The following PPARGC1A variants were observed in gnomAD, a reference collection of about 807,000 sequenced individuals.
The protein encoded by PPARGC1A is PPARG coactivator 1 alpha, also known as peroxisome proliferator-activated receptor gamma coactivator 1-alpha.
Under a neutral mutation model 88.7 loss-of-function variants are expected in PPARGC1A, and 25 were observed. The ratio of observed to expected loss-of-function variants is 0.28; its 90% CI spans 0.21 to 0.39. The LOEUF is 0.39. Among genes scored for constraint, PPARGC1A ranks in the 10% least tolerant of loss-of-function variants. The pLI is 1.00. For synonymous variants in PPARGC1A, 363 were observed against 355.6 expected (o/e 1.02, Z -0.24); for missense variants, 880 against 968.7 (o/e 0.91, Z 1.22).
the PPARGC1A span, among the ~76,000 whole-genome samples, chr4:24,010,616 C>T: frequency 5.3e-5 from 8 of 152,064 alleles, no homozygotes; most frequent in Admixed American, 5.2e-4. Flanking sequence ...GCACATCAAA[C>T]ATTAATTCAT....
At chr4:23,835,947 C>A (rs1427254265) in intron 2 of PPARGC1A, among the ~76,000 whole-genome samples, 2 of 152,062 alleles carry the variant, frequency 1.3e-5, no homozygotes, top group African/African-American at 4.8e-5. Context: ...ATTTACAGAG[C>A]AAATAAATCA....
At chr4:23,899,926 T>C (rs2148877744), upstream of PPARGC1A, among the ~76,000 whole-genome samples, 1 of 152,226 alleles carries the variant, frequency 6.6e-6, no homozygotes, top group Middle Eastern at 3.4e-3. Context: ...CAGTATCATA[T>C]ACTTCGATAA....
At chr4:24,183,684 C>T in the PPARGC1A span, among the ~76,000 whole-genome samples, 1 of 152,144 alleles carries the variant, frequency 6.6e-6, no homozygotes, top group African/African-American at 2.4e-5. Context: ...GGTTTCCCTT[C>T]CTCACTCTGC....
chr4:24,217,626 A>T, the PPARGC1A span, among the ~76,000 whole-genome samples: 2 of 152,086 alleles, frequency 1.3e-5, no homozygotes, highest in African/African-American at 4.8e-5. Context: ...AACATGGTGA[A>T]ACCTCATCTC....
the PPARGC1A span, among the ~76,000 whole-genome samples, chr4:24,381,935 G>A: frequency 6.6e-6 from 1 of 152,134 alleles, no homozygotes; most frequent in Non-Finnish European, 1.5e-5. Context: ...CTTAATGTTA[G>A]GAACTTCAAT....
chr4:24,305,172 T>C, the PPARGC1A span, among the ~76,000 whole-genome samples: 4 of 149,420 alleles, frequency 2.7e-5, no homozygotes, highest in East Asian at 7.8e-4. Flanking sequence ...TATATGTGTG[T>C]GTGTGTGTAT....
the PPARGC1A span, among the ~76,000 whole-genome samples, chr4:24,212,797 C>A: frequency 1.3e-5 from 2 of 152,194 alleles, no homozygotes; most frequent in East Asian, 3.9e-4. Context: ...GCAGCCCACA[C>A]GTATCCTCCT....
chr4:24,284,160 G>A, the PPARGC1A span, among the ~76,000 whole-genome samples: 46 of 151,174 alleles, frequency 3.0e-4, no homozygotes, highest in African/African-American at 1.0e-3. Context: ...TTAGCTGGGC[G>A]TGGTGGGGCA....
intron 2 of PPARGC1A, among the ~76,000 whole-genome samples, chr4:23,878,938 C>G (rs1715358510): frequency 6.6e-6 from 1 of 152,200 alleles, no homozygotes; most frequent in African/African-American, 2.4e-5. Context: ...AGCCAATTAT[C>G]TCTCCACTTA....
the PPARGC1A span, among the ~76,000 whole-genome samples, chr4:24,303,446 T>C: frequency 6.6e-6 from 1 of 152,180 alleles, no homozygotes; most frequent in Non-Finnish European, 1.5e-5. Context: ...ATTGGGGCCA[T>C]CACACTCCCA....
intron 10 of PPARGC1A, among the ~76,000 whole-genome samples, chr4:23,806,423 C>T (rs1719818992): frequency 6.6e-6 from 1 of 152,152 alleles, no homozygotes; most frequent in Non-Finnish European, 1.5e-5. Context: ...TTTTTCAAGA[C>T]ATTAATTTCT....
the PPARGC1A span, among the ~76,000 whole-genome samples, chr4:24,398,534 C>A: frequency 6.6e-6 from 1 of 152,016 alleles, no homozygotes; most frequent in Admixed American, 6.6e-5. Context: ...GTTTTCAGTT[C>A]TCTTCTTTCA....
chr4:23,939,525 A>G, the PPARGC1A span, among the ~76,000 whole-genome samples: 1 of 152,220 alleles, frequency 6.6e-6, no homozygotes, highest in East Asian at 1.9e-4. Context: ...TCATGATCAC[A>G]GGATTCTATA....
chr4:23,802,024 G>T, intron 11 of PPARGC1A, 143 bp from the exon 12 acceptor site: 5 of 1,275,968 alleles, frequency 3.9e-6, no homozygotes, highest in Non-Finnish European at 5.4e-6. Flanking sequence ...CTGTCAAGCA[G>T]CTAAATACTT....
At chr4:24,209,825 C>G in the PPARGC1A span, among the ~76,000 whole-genome samples, 1 of 152,094 alleles carries the variant, frequency 6.6e-6, no homozygotes, top group Non-Finnish European at 1.5e-5. Flanking sequence ...AACAAATACA[C>G]ATTTATTGGA....
chr4:24,148,131 C>T, the PPARGC1A span, among the ~76,000 whole-genome samples: 1 of 152,162 alleles, frequency 6.6e-6, no homozygotes, highest in Non-Finnish European at 1.5e-5. Flanking sequence ...GCTTGCATTT[C>T]CCATATTCTA....
chr4:24,401,929 G>C, the PPARGC1A span, among the ~76,000 whole-genome samples: 4 of 152,314 alleles, frequency 2.6e-5, no homozygotes, highest in South Asian at 8.3e-4. Context: ...AAATTACTTA[G>C]CTTGTAAAAA....
the PPARGC1A span, among the ~76,000 whole-genome samples, chr4:24,446,905 T>G: frequency 1.6e-4 from 24 of 152,144 alleles, no homozygotes; most frequent in Non-Finnish European, 3.1e-4. Flanking sequence ...CAGATTGAAT[T>G]TATTAATGCT....
the PPARGC1A span, among the ~76,000 whole-genome samples, chr4:24,133,403 C>T: frequency 6.6e-6 from 1 of 152,174 alleles, no homozygotes; most frequent in Non-Finnish European, 1.5e-5. Context: ...TTAAAATGAA[C>T]TCTTGCATAT....
Sources: allele counts gnomAD v4.1 joint callset (sites outside exome capture counted in the v4.1 genomes callset), GRCh38; gene constraint gnomAD v4.1.1; transcripts MANE v1.5; gene names NCBI Gene and HGNC (gene_info 2026-07-23, HGNC 2026-07-21).